The following DNMBP variants were observed in gnomAD, a reference collection of about 807,000 sequenced individuals.
The protein encoded by DNMBP is dynamin-binding protein.
Under a neutral mutation model 150.0 loss-of-function variants are expected in DNMBP, and 87 were observed. The observed-to-expected ratio is 0.58, with a 90% CI of 0.49 to 0.69. The LOEUF (loss-of-function observed/expected upper bound fraction) is 0.69, where lower values mean the gene tolerates loss of function less well. Among genes scored for constraint, DNMBP ranks in the 30% least tolerant of loss-of-function variants. The probability of loss-of-function intolerance (pLI) is 0.00; values close to 1 mark genes in which losing one functional copy is unlikely to be tolerated. For missense variants in DNMBP, 1,774 were observed against 1,949.0 expected, an observed-to-expected ratio of 0.91 and a Z score of 1.69; for synonymous variants, 711 against 750.4, an observed-to-expected ratio of 0.95 and a Z score of 0.86.
intron 3 of DNMBP, among the ~76,000 whole-genome samples, chr10:99,968,559 G>C (rs537506967): frequency 3.9e-5 from 6 of 151,920 alleles, no homozygotes; most frequent in Non-Finnish European, 5.9e-5. Flanking sequence ...GTGGTAGCAC[G>C]TGCCTGCGGT....
chr10:99,898,119 T>C lies in DNMBP; in HGVS notation c.2887A>G (p.Asn963Asp), dbSNP rs1018932609. 8 of 1,614,022 alleles carry C rather than the reference T, an allele frequency of 5.0e-6. No homozygotes were observed. The highest frequency in any genetic ancestry group is 4.0e-5 in the African/African-American group (3 of 74,912). The change falls in exon 9 of 17, where the codon AAC (asparagine) becomes GAC (aspartate). Residue 963 changes from asparagine (N) to aspartate (D), a missense_variant. Around this residue, in one of 2 missense-constraint regions of DNMBP, gnomAD observed 1,430 missense variants for 1,492.5 expected, o/e 0.96. Coordinates refer to ENST00000324109, the MANE Select transcript of DNMBP (RefSeq NM_015221.4). ...TTTCGCCGTTTATATTCATTAATGT[T>C]AACGTTGATTTCCTTGACCGCAAGG... ...AVLAVKEINV[N>D]INEYKRRKDL...
intron 1 of DNMBP, among the ~76,000 whole-genome samples, chr10:100,004,997 G>A (rs146803659): frequency 1.3e-5 from 2 of 151,596 alleles, no homozygotes; most frequent in Non-Finnish European, 2.9e-5. Context: ...GAAGCTATCT[G>A]TATAAGAGAT....
intron 1 of DNMBP, among the ~76,000 whole-genome samples, chr10:99,987,467 T>TAA (rs1173621051): frequency 6.6e-6 from 1 of 152,000 alleles, no homozygotes; most frequent in East Asian, 1.9e-4. Context: ...GGTGCAGTGG[T>TAA]TCACGCCTGT....
rs146841105 is a variant in DNMBP, at chr10:99,965,456, C to A, written c.268+3659G>T. On this transcript the variant is annotated intron_variant, in intron 3 of 16. Transcript: ENST00000324109. ...TAAGTAACAGTGAACTAAAAAGGCA[C>A]GTGGTAAAACACAACAGATCTCAAA... is the stretch of plus-strand genomic sequence containing the variant. 1.8e-3 allele frequency among the ~76,000 whole-genome samples: 268 copies of A among 151,190 alleles called. 3 individuals carry two copies. Among genetic ancestry groups the A allele is most frequent in the African/African-American group, 6.1e-3 (253 of 41,190 alleles).
chr10:99,956,920 C>G lies in DNMBP; in HGVS notation c.554G>C (p.Gly185Ala). The G allele has an allele frequency of 6.2e-7, 1 of 1,614,244 alleles. No homozygotes were observed. Among genetic ancestry groups the G allele is most frequent in the Non-Finnish European group, 8.5e-7 (1 of 1,180,046 alleles). Residue 185 changes from glycine (G) to alanine (A), a missense_variant, in exon 4 of 17, where the codon GGG (glycine) becomes GCG (alanine). Gly to Ala is a moderately conservative substitution (Grantham distance 60). Around this residue, in one of 2 missense-constraint regions of DNMBP, gnomAD observed 344 missense variants for 456.6 expected, o/e 0.75. Transcript: ENST00000324109. ...IGVPEPGWFE[G>A]ELEGRRGIFP... Reference sequence around the variant, plus strand: ...AATGCCTCTTCGGCCCTCTAACTCCCCTTCAAACCAGCCTGGTTCAGGAAC... The same window carrying G: ...AATGCCTCTTCGGCCCTCTAACTCCGCTTCAAACCAGCCTGGTTCAGGAAC...
At chr10:99,994,732 T>C (rs1055774370) in intron 1 of DNMBP, among the ~76,000 whole-genome samples, 1 of 152,208 alleles carries the variant, frequency 6.6e-6, no homozygotes, top group Non-Finnish European at 1.5e-5. Flanking sequence ...TTACTGACTG[T>C]TCTAAAACAT....
At chr10:99,962,448 G>A (rs2040574693) in intron 3 of DNMBP, among the ~76,000 whole-genome samples, 1 of 152,116 alleles carries the variant, frequency 6.6e-6, no homozygotes, top group African/African-American at 2.4e-5. Context: ...TGGCTAACAC[G>A]GTGAAACCCT....
intron 1 of DNMBP, among the ~76,000 whole-genome samples, chr10:99,974,120 C>T (rs904893287): frequency 7.2e-5 from 11 of 152,040 alleles, no homozygotes; most frequent in African/African-American, 2.4e-4. Flanking sequence ...ACGACTTCAC[C>T]TCTATTTTAT....
intron 4 of DNMBP, among the ~76,000 whole-genome samples, chr10:99,936,400 A>C (rs1223739837): frequency 6.6e-6 from 1 of 152,120 alleles, no homozygotes; most frequent in Non-Finnish European, 1.5e-5. Flanking sequence ...ATCTCATTAT[A>C]ATATATTTTC....
chr10:99,925,492 T>C (rs1393891487), intron 4 of DNMBP, among the ~76,000 whole-genome samples: 1 of 152,158 alleles, frequency 6.6e-6, no homozygotes, highest in African/African-American at 2.4e-5. Flanking sequence ...CTCAGCTCAC[T>C]GCAACCTCCA....
chr10:99,985,001 C>T (rs2133370145), intron 1 of DNMBP, among the ~76,000 whole-genome samples: 1 of 152,292 alleles, frequency 6.6e-6, no homozygotes, highest in African/African-American at 2.4e-5. Flanking sequence ...CTCAGCTTCT[C>T]AAAAGTGCTG....
intron 4 of DNMBP, among the ~76,000 whole-genome samples, chr10:99,947,440 C>G (rs973792534): frequency 6.6e-6 from 1 of 152,070 alleles, no homozygotes; most frequent in African/African-American, 2.4e-5. Flanking sequence ...GGCCAGTATC[C>G]TAAGAAAATT....
chr10:99,920,080 T>A (rs1161585277), intron 4 of DNMBP, among the ~76,000 whole-genome samples: 5 of 129,346 alleles, frequency 3.9e-5, no homozygotes, highest in Non-Finnish European at 6.9e-5. Flanking sequence ...TATATTTCCA[T>A]TTTTTTTTTT....
chr10:99,893,818 C>T (rs2039612369), intron 11 of DNMBP, among the ~76,000 whole-genome samples: 1 of 152,106 alleles, frequency 6.6e-6, no homozygotes, highest in Non-Finnish European at 1.5e-5. Context: ...GTATCTCCCA[C>T]CTACACACAC....
chr10:99,913,981 G>A, intron 4 of DNMBP: 1 of 1,481,106 alleles, frequency 6.8e-7, no homozygotes, highest in Non-Finnish European at 9.0e-7. Flanking sequence ...GCTGTGTGTG[G>A]AGGTGTGGGC....
At chr10:99,902,794 G>A (rs1414127291) in intron 6 of DNMBP, among the ~76,000 whole-genome samples, 1 of 151,796 alleles carries the variant, frequency 6.6e-6, no homozygotes, top group South Asian at 2.1e-4. Flanking sequence ...CAGGCATGGT[G>A]GCAGGCGCCT....
chr10:99,891,951 G>A (rs1446930998), intron 11 of DNMBP, among the ~76,000 whole-genome samples: 5 of 141,720 alleles, frequency 3.5e-5, no homozygotes, highest in South Asian at 2.3e-4. Flanking sequence ...CAGCCGCCCC[G>A]TCCGGGAGGT....
chr10:100,008,529 A>G (rs1293603126), intron 1 of DNMBP, among the ~76,000 whole-genome samples: 3 of 152,184 alleles, frequency 2.0e-5, no homozygotes, highest in Admixed American at 2.0e-4. Flanking sequence ...TTTTAGCCCA[A>G]CCCTGATAAA....
chr10:99,880,394 T>C (rs2039348710), intron 15 of DNMBP, 33 bp from the exon 16 acceptor site: 1 of 1,515,602 alleles, frequency 6.6e-7, no homozygotes, highest in Admixed American at 2.1e-5. Context: ...AAACAAGAAC[T>C]CTTAGCAGAA....
Sources: allele counts gnomAD v4.1 joint callset (sites outside exome capture counted in the v4.1 genomes callset), GRCh38; gene constraint gnomAD v4.1.1; regional missense constraint gnomAD v4.1.1; transcripts MANE v1.5; gene names NCBI Gene and HGNC (gene_info 2026-07-23, HGNC 2026-07-21).